JAK2: variants seen among roughly 807,000 people sequenced by gnomAD.
The protein encoded by JAK2 is tyrosine-protein kinase JAK2.
Under a neutral mutation model 139.3 loss-of-function variants are expected in JAK2, and 86 were observed. The observed-to-expected ratio is 0.62, with a 90% CI of 0.52 to 0.74. JAK2 has a LOEUF of 0.74. JAK2 is among the 30% of genes least tolerant of loss of function. The pLI, the probability that JAK2 is intolerant of heterozygous loss-of-function variation, is 0.00. For synonymous variants in JAK2, 490 were observed against 437.7 expected, an observed-to-expected ratio of 1.12 and a Z score of -1.49; for missense variants, 1,421 against 1,360.3, an observed-to-expected ratio of 1.04 and a Z score of -0.70.
intron 10 of JAK2, among the ~76,000 whole-genome samples, chr9:5,067,193 G>A (rs762699925): frequency 2.0e-5 from 3 of 152,042 alleles, no homozygotes; most frequent in Non-Finnish European, 4.4e-5. Context: ...AGAGGAAACA[G>A]AATTAGAGAA....
At chr9:5,049,499 A>T (rs557864868) in intron 5 of JAK2, among the ~76,000 whole-genome samples, 65 of 152,170 alleles carry the variant, frequency 4.3e-4, no homozygotes, top group Non-Finnish European at 7.8e-4. Flanking sequence ...TGAAGTTTCA[A>T]ATCTTCCATG....
chr9:5,024,274 G>T (rs539842469), intron 3 of JAK2, among the ~76,000 whole-genome samples: 29 of 151,848 alleles, frequency 1.9e-4, no homozygotes, highest in African/African-American at 7.0e-4. Context: ...ATTTTTTTTT[G>T]GCTTGTAAGA....
At chr9:5,085,452 C>G (rs1447656374) in intron 19 of JAK2, 3 of 736,718 alleles carry the variant, frequency 4.1e-6, no homozygotes, top group African/African-American at 3.5e-5. Context: ...TCTTGAAGGT[C>G]TTTTCAAGGT....
At chr9:5,001,489 T>C (rs1397291917) in intron 2 of JAK2, among the ~76,000 whole-genome samples, 1 of 152,194 alleles carries the variant, frequency 6.6e-6, no homozygotes, top group African/African-American at 2.4e-5. Context: ...TAAATTGCAT[T>C]GATTCATTTT....
chr9:5,007,893 A>C (rs559319233), intron 2 of JAK2, among the ~76,000 whole-genome samples: 1 of 151,496 alleles, frequency 6.6e-6, no homozygotes, highest in African/African-American at 2.4e-5. Flanking sequence ...ACGCCTGGCT[A>C]ATTTTTGTGT....
intron 3 of JAK2, among the ~76,000 whole-genome samples, chr9:5,028,233 G>A (rs556936609): frequency 1.9e-4 from 29 of 152,198 alleles, no homozygotes; most frequent in Non-Finnish European, 3.7e-4. Context: ...GAAATTCAAT[G>A]TACATCTTCA....
At chr9:5,055,203 T>G (rs934559480) in intron 7 of JAK2, among the ~76,000 whole-genome samples, 5 of 152,056 alleles carry the variant, frequency 3.3e-5, no homozygotes, top group Non-Finnish European at 7.4e-5. Context: ...ATTATAAAAC[T>G]TGTTAACTAG....
At chr9:5,011,668 T>G (rs1173174331) in intron 2 of JAK2, among the ~76,000 whole-genome samples, 3 of 152,220 alleles carry the variant, frequency 2.0e-5, no homozygotes, top group African/African-American at 4.8e-5. Flanking sequence ...TTTTCATGTT[T>G]AATAAGTTTC....
At chr9:5,072,215 A>G (rs556193522) in intron 12 of JAK2, among the ~76,000 whole-genome samples, 15 of 152,326 alleles carry the variant, frequency 9.8e-5, no homozygotes, top group East Asian at 3.9e-4. Flanking sequence ...CACTGACTCT[A>G]TTTTTAAAAA....
intron 14 of JAK2, among the ~76,000 whole-genome samples, chr9:5,077,059 A>G (rs1304561446): frequency 6.6e-6 from 1 of 151,964 alleles, no homozygotes. Context: ...ACTATAGACA[A>G]TTGTTAGTAA....
intron 2 of JAK2, among the ~76,000 whole-genome samples, chr9:5,005,115 T>TAGG (rs1821207010): frequency 2.1e-5 from 2 of 94,556 alleles, no homozygotes; most frequent in African/African-American, 8.8e-5. Flanking sequence ...TTTTTTTTTT[T>TAGG]TTTTTTTTTT....
At chr9:5,030,951 G>T (rs1563938963) in intron 4 of JAK2, among the ~76,000 whole-genome samples, 1 of 152,060 alleles carries the variant, frequency 6.6e-6, no homozygotes, top group Non-Finnish European at 1.5e-5. Context: ...TTATATGCAA[G>T]CAACCAGTTA....
At chr9:5,101,843 G>A (rs1371910694) in intron 22 of JAK2, among the ~76,000 whole-genome samples, 1 of 152,146 alleles carries the variant, frequency 6.6e-6, no homozygotes, top group Non-Finnish European at 1.5e-5. Flanking sequence ...CAAACAGAAA[G>A]GAATAGCATC....
chr9:5,029,886 T>C lies in JAK2; in HGVS notation c.330T>C (p.His110=), dbSNP rs1250952306. ...TCCATATAGATGAGTCAACCAGGCA[T>C]AATGTACTCTACAGAATAAGGTACT... ...HVFHIDESTR[H]NVLYRIRFYF... is the part of the protein sequence containing the mutation. Residue 110 remains histidine, a synonymous_variant, in exon 4 of 25, where the codon CAT becomes CAC. Transcript: ENST00000381652. The C allele has an allele frequency of 6.2e-7, 1 of 1,611,234 alleles. No homozygotes were observed. The highest frequency in any genetic ancestry group is 1.7e-5 in the Admixed American group (1 of 59,488).
chr9:5,006,341 G>T (rs1049734221), intron 2 of JAK2, among the ~76,000 whole-genome samples: 6 of 152,148 alleles, frequency 3.9e-5, no homozygotes, highest in African/African-American at 1.4e-4. Flanking sequence ...CATTGATTTT[G>T]TATGCTGAGA....
chr9:5,092,252 G>A (rs553182947), intron 22 of JAK2, among the ~76,000 whole-genome samples: 49 of 152,184 alleles, frequency 3.2e-4, no homozygotes, highest in South Asian at 2.7e-3. Flanking sequence ...AGAGTAGAGT[G>A]CTTGGTTGAG....
At chr9:5,092,776 G>C (rs1055770398) in intron 22 of JAK2, among the ~76,000 whole-genome samples, 3 of 152,142 alleles carry the variant, frequency 2.0e-5, no homozygotes, top group African/African-American at 7.2e-5. Context: ...CATGAGTAGT[G>C]GTGATAAGCC....
At chr9:5,057,077 T>C (rs1005239431) in intron 8 of JAK2, among the ~76,000 whole-genome samples, 2 of 152,182 alleles carry the variant, frequency 1.3e-5, no homozygotes, top group African/African-American at 4.8e-5. Context: ...AAATTTTTTA[T>C]TTTAGGGATA....
At chr9:5,086,730 T>A (rs1820145357) in intron 19 of JAK2, among the ~76,000 whole-genome samples, 1 of 152,260 alleles carries the variant, frequency 6.6e-6, no homozygotes, top group Non-Finnish European at 1.5e-5. Context: ...ACTATAACTT[T>A]ATAGCCTTTG....
Sources: allele counts gnomAD v4.1 joint callset (sites outside exome capture counted in the v4.1 genomes callset), GRCh38; gene constraint gnomAD v4.1.1; transcripts MANE v1.5; gene names NCBI Gene and HGNC (gene_info 2026-07-23, HGNC 2026-07-21).